The following PHF24 variants were observed in gnomAD, a reference collection of about 807,000 sequenced individuals.
The protein encoded by PHF24 is Galpha inhibitory interacting protein.
Under a neutral mutation model 42.6 loss-of-function variants are expected in PHF24, and 25 were observed. The observed-to-expected ratio is 0.59, with a 90% CI of 0.43 to 0.82. The LOEUF is 0.82. PHF24 is among the 40% of genes least tolerant of loss of function. The pLI is 0.00. For missense variants in PHF24, 470 were observed against 538.1 expected (o/e 0.87, Z 1.25); for synonymous variants, 185 against 204.8 (o/e 0.90, Z 0.83).
At chr9:34,971,165 G>C in intron 1 of PHF24, 130 bp from the exon 2 acceptor site, 2 of 874,452 alleles carry the variant, frequency 2.3e-6, no homozygotes, top group Non-Finnish European at 3.4e-6. Flanking sequence ...AACATGTGCT[G>C]TCTCCACCCC....
chr9:34,943,267 G>A, the PHF24 span, among the ~76,000 whole-genome samples: 2 of 152,180 alleles, frequency 1.3e-5, no homozygotes, highest in Admixed American at 1.3e-4. Flanking sequence ...GCTGGGAGAG[G>A]AGGGAAGGTG....
At chr9:34,890,734 T>C in the PHF24 span, among the ~76,000 whole-genome samples, 187 of 152,348 alleles carry the variant, frequency 1.2e-3, 1 homozygote, top group African/African-American at 4.4e-3. Flanking sequence ...ATTCCCTTGT[T>C]TTTATGGGAC....
At chr9:34,977,206 T>G in exon 6 of PHF24, 2 of 1,612,916 alleles carry the variant, frequency 1.2e-6, no homozygotes, top group Non-Finnish European at 8.5e-7. Flanking sequence ...CTCTTGGTTT[T>G]GCAAACGGTT....
At chr9:34,937,110 G>A in the PHF24 span, among the ~76,000 whole-genome samples, 1 of 151,746 alleles carries the variant, frequency 6.6e-6, no homozygotes, top group South Asian at 2.1e-4. Flanking sequence ...TGGGAAGTGA[G>A]GAGCCCCTCT....
At chr9:34,687,214 G>A in the PHF24 span, among the ~76,000 whole-genome samples, 1 of 152,138 alleles carries the variant, frequency 6.6e-6, no homozygotes, top group Admixed American at 6.5e-5. Context: ...AGGGTCAATT[G>A]AATCCAAGGC....
intron 3 of PHF24, among the ~76,000 whole-genome samples, chr9:34,975,629 A>G (rs976056782): frequency 2.0e-5 from 3 of 152,184 alleles, no homozygotes; most frequent in African/African-American, 7.2e-5. Context: ...TAATAATGGC[A>G]TCTTTTAAAA....
At chr9:34,721,399 T>TTCTCTCTCTCTCTCTCTCTCTCTC in the PHF24 span, among the ~76,000 whole-genome samples, 4 of 139,340 alleles carry the variant, frequency 2.9e-5, no homozygotes, top group African/African-American at 8.5e-5. Flanking sequence ...TGTCTTTCCA[T>TTCTCTCTCTCTCTCTCTCTCTCTC]TCTCTCTCTC....
At chr9:34,968,975 G>C (rs1268573065) in intron 1 of PHF24, among the ~76,000 whole-genome samples, 1 of 152,216 alleles carries the variant, frequency 6.6e-6, no homozygotes, top group Admixed American at 6.5e-5. Context: ...ACTTCCCCAA[G>C]GAAATGAGAC....
chr9:34,904,007 T>G, the PHF24 span, among the ~76,000 whole-genome samples: 1 of 152,226 alleles, frequency 6.6e-6, no homozygotes. Flanking sequence ...TATAGAAGCG[T>G]TACTGATTTG....
chr9:34,851,867 T>G, the PHF24 span, among the ~76,000 whole-genome samples: 4 of 152,248 alleles, frequency 2.6e-5, no homozygotes, highest in Non-Finnish European at 5.9e-5. Flanking sequence ...GTCTTTTAAC[T>G]TTCATACTAA....
the PHF24 span, among the ~76,000 whole-genome samples, chr9:34,777,532 A>C: frequency 6.6e-6 from 1 of 152,174 alleles, no homozygotes; most frequent in Admixed American, 6.5e-5. Context: ...TGCTGCCCTC[A>C]GTGGTGGCAG....
chr9:34,779,723 G>C, the PHF24 span, among the ~76,000 whole-genome samples: 1,145 of 152,186 alleles, frequency 7.5e-3, 6 homozygotes, highest in Non-Finnish European at 0.012. Flanking sequence ...ATGGTCAATT[G>C]TTTTGTTTTG....
chr9:34,871,936 T>C, the PHF24 span, among the ~76,000 whole-genome samples: 2 of 152,212 alleles, frequency 1.3e-5, no homozygotes, highest in Non-Finnish European at 2.9e-5. Flanking sequence ...GGAATTTTTA[T>C]TGGGATTGCA....
At chr9:34,892,932 G>A in the PHF24 span, 2 of 685,560 alleles carry the variant, frequency 2.9e-6, no homozygotes, top group African/African-American at 3.5e-5. Context: ...TTGGATTTCG[G>A]GGAGCCCAGA....
chr9:34,839,250 A>G, the PHF24 span, among the ~76,000 whole-genome samples: 790 of 152,336 alleles, frequency 5.2e-3, 5 homozygotes, highest in Non-Finnish European at 8.4e-3. Flanking sequence ...GTTCAGGGAG[A>G]TGAATGCCTG....
the PHF24 span, among the ~76,000 whole-genome samples, chr9:34,854,506 C>G: frequency 1.3e-5 from 2 of 152,074 alleles, no homozygotes; most frequent in Admixed American, 1.3e-4. Flanking sequence ...AAAATAACTT[C>G]TTGATTTTTG....
At chr9:34,841,092 C>T in the PHF24 span, among the ~76,000 whole-genome samples, 13 of 152,016 alleles carry the variant, frequency 8.6e-5, no homozygotes, top group African/African-American at 2.9e-4. Flanking sequence ...CTCCGCCTCC[C>T]GGGTTCATGC....
chr9:34,949,107 G>C, the PHF24 span, among the ~76,000 whole-genome samples: 1 of 152,116 alleles, frequency 6.6e-6, no homozygotes, highest in Non-Finnish European at 1.5e-5. Context: ...GTAATCAATA[G>C]AACAAGTATA....
the PHF24 span, among the ~76,000 whole-genome samples, chr9:34,887,276 A>G: frequency 6.6e-6 from 1 of 152,106 alleles, no homozygotes; most frequent in Admixed American, 6.5e-5. Flanking sequence ...ACTCAAATCT[A>G]TACCCCCAAT....
Sources: gnomAD v4.1 joint callset for allele counts (sites outside exome capture counted in the v4.1 genomes callset) on GRCh38, gnomAD v4.1.1 for gene constraint, MANE v1.5 for transcripts, NCBI Gene and HGNC (gene_info 2026-07-23, HGNC 2026-07-21) for gene names.